The following CHST9 variants were observed in gnomAD, a reference collection of about 807,000 sequenced individuals.
CHST9 encodes the protein GalNAc-4-sulfotransferase 2.
Under a neutral mutation model 44.4 loss-of-function variants are expected in CHST9, and 41 were observed. That is an observed-to-expected ratio of 0.92 (90% CI 0.72 to 1.20). CHST9 has a LOEUF of 1.20. Among genes scored for constraint, CHST9 ranks in the 50% most tolerant of loss-of-function variants. CHST9 has a pLI of 0.00. For synonymous variants in CHST9, 171 were observed against 178.4 expected (o/e 0.96, Z 0.33); for missense variants, 504 against 516.5 (o/e 0.98, Z 0.23).
At chr18:27,062,203 G>C (rs1302657400) in intron 2 of CHST9, among the ~76,000 whole-genome samples, 1 of 151,982 alleles carries the variant, frequency 6.6e-6, no homozygotes, top group East Asian at 1.9e-4. Context: ...GGGTACATAT[G>C]CACAATGTGC....
At chr18:26,929,029 G>T (rs1374346768) in intron 5 of CHST9, among the ~76,000 whole-genome samples, 1 of 152,146 alleles carries the variant, frequency 6.6e-6, no homozygotes, top group Non-Finnish European at 1.5e-5. Context: ...CATTGGCTGG[G>T]ATCCAGGACC....
intron 2 of CHST9, among the ~76,000 whole-genome samples, chr18:27,083,013 C>G (rs1376675578): frequency 6.6e-6 from 1 of 152,086 alleles, no homozygotes; most frequent in South Asian, 2.1e-4. Flanking sequence ...GGGTATTGCT[C>G]ATTTCAACCC....
At chr18:26,953,283 T>C (rs545452942) in intron 4 of CHST9, among the ~76,000 whole-genome samples, 1 of 152,256 alleles carries the variant, frequency 6.6e-6, no homozygotes, top group South Asian at 2.1e-4. Flanking sequence ...CAAAAATGGA[T>C]GGAAGTTGGG....
At chr18:27,084,859 T>C (rs1413717734) in intron 2 of CHST9, among the ~76,000 whole-genome samples, 1 of 152,104 alleles carries the variant, frequency 6.6e-6, no homozygotes, top group Non-Finnish European at 1.5e-5. Context: ...ATCTCTGTTT[T>C]AGTTTCAAAG....
In CHST9 at chr18:26,911,262, A is replaced by G. The variant is rs1266017699; in HGVS notation, c.*4997T>C. 6.6e-6 allele frequency: 1 copy of G among 152,250 alleles called. No homozygotes were observed. The allele number at this position is 152,250 out of a possible 1,614,324, so 9.4% of individuals were successfully genotyped here. The stretch of plus-strand genomic sequence containing the variant: ...CTGAGTGCCTTGCTAGACATGGTAC[A>G]AAGTGCATTCAACAGACACAGTTCC... On this transcript the variant is annotated 3_prime_UTR_variant, in exon 6 of 6. Transcript: ENST00000618847.
intron 2 of CHST9, among the ~76,000 whole-genome samples, chr18:27,073,124 G>A (rs1185175856): frequency 2.0e-5 from 3 of 152,118 alleles, no homozygotes; most frequent in African/African-American, 7.2e-5. Flanking sequence ...TGAATATGTA[G>A]CTGGATGAAG....
At chr18:27,120,147 T>C (rs545085686) in intron 2 of CHST9, among the ~76,000 whole-genome samples, 4 of 152,210 alleles carry the variant, frequency 2.6e-5, no homozygotes, top group Admixed American at 6.5e-5. Flanking sequence ...AGTTAACCAA[T>C]GATGAAACCG....
In CHST9 at chr18:26,910,965, A is replaced by G. The variant is rs908647289; in HGVS notation, c.*5294T>C. On this transcript the variant is annotated 3_prime_UTR_variant, in exon 6 of 6. Coordinates refer to ENST00000618847, the MANE Select transcript of CHST9 (RefSeq NM_031422.6). ...TTTTTCTCAAAATTTTCTTCCCCAA[A>G]CAATCAAGCAACTGCTATTTCTTAG... The G allele has an allele frequency of 1.3e-5, 2 of 152,176 alleles. No homozygotes were observed. Among genetic ancestry groups the G allele is most frequent in the African/African-American group, 4.8e-5 (2 of 41,434 alleles). 9.4% of individuals were successfully genotyped at this position (152,176 alleles called of 1,614,324 possible).
chr18:27,007,931 A>G (rs2057035982), intron 4 of CHST9, among the ~76,000 whole-genome samples: 1 of 152,162 alleles, frequency 6.6e-6, no homozygotes, highest in Non-Finnish European at 1.5e-5. Context: ...TCATTTACTG[A>G]CTGATTTATT....
intron 1 of CHST9, among the ~76,000 whole-genome samples, chr18:27,154,367 G>A (rs544195895): frequency 9.2e-5 from 14 of 152,208 alleles, no homozygotes; most frequent in African/African-American, 3.4e-4. Context: ...AGGGAGAGAT[G>A]AGGTAAGAGG....
intron 1 of CHST9, among the ~76,000 whole-genome samples, chr18:27,169,641 A>C (rs2058819027): frequency 8.4e-6 from 1 of 118,454 alleles, no homozygotes; most frequent in Admixed American, 1.2e-4. Context: ...AGTCTCACTC[A>C]TTGCCCAGGC....
chr18:27,014,262 G>A (rs1049620467), intron 4 of CHST9, among the ~76,000 whole-genome samples: 3 of 151,738 alleles, frequency 2.0e-5, no homozygotes, highest in African/African-American at 4.8e-5. Flanking sequence ...ATTCCATGTT[G>A]ATATCAACTA....
chr18:26,940,230 A>C (rs1404994101), intron 5 of CHST9, among the ~76,000 whole-genome samples: 1 of 151,994 alleles, frequency 6.6e-6, no homozygotes, highest in African/African-American at 2.4e-5. Context: ...TCAGAAAAAA[A>C]AACCTGTCTT....
At chr18:27,156,605 A>T (rs533676822) in intron 1 of CHST9, among the ~76,000 whole-genome samples, 1 of 152,254 alleles carries the variant, frequency 6.6e-6, no homozygotes, top group African/African-American at 2.4e-5. Flanking sequence ...AAAAAGCTTC[A>T]TAGTGTTAAG....
chr18:27,104,804 C>A (rs972879783), intron 2 of CHST9, among the ~76,000 whole-genome samples: 1 of 152,074 alleles, frequency 6.6e-6, no homozygotes, highest in East Asian at 1.9e-4. Context: ...TAGAATATGG[C>A]ATCTTTTCTT....
chr18:26,969,318 T>G (rs924292846), intron 4 of CHST9, among the ~76,000 whole-genome samples: 1 of 152,056 alleles, frequency 6.6e-6, no homozygotes, highest in African/African-American at 2.4e-5. Context: ...TTATGCAGTC[T>G]TATATTTTAA....
At chr18:27,143,295 ACCT>A (rs2058583723) in intron 1 of CHST9, among the ~76,000 whole-genome samples, 1 of 152,166 alleles carries the variant, frequency 6.6e-6, no homozygotes, top group Non-Finnish European at 1.5e-5. Flanking sequence ...AGGAAAAATC[ACCT>A]CCTGTCTTAA....
rs1291725231 is a variant in CHST9, at chr18:26,916,368, T to C, written c.1223A>G (p.Gln408Arg). The C allele has an allele frequency of 6.2e-7, 1 of 1,613,790 alleles. No individual in the cohort carries two copies. ...RHSSDERTNAQVVRQYLKDLT... is the reference protein window; with the variant it reads ...RHSSDERTNARVVRQYLKDLT... ...ATCCTTTAAATACTGTCTCACGACTTGAGCATTGGTTCTTTCATCGGAAGA... is the reference window on the plus strand; with the variant it reads ...ATCCTTTAAATACTGTCTCACGACTCGAGCATTGGTTCTTTCATCGGAAGA... Residue 408 changes from glutamine (Q) to arginine (R), a missense_variant, in exon 6 of 6, where the codon CAA becomes CGA. Gln to Arg is a conservative substitution (Grantham distance 43). Coordinates refer to ENST00000618847, the MANE Select transcript of CHST9 (RefSeq NM_031422.6).
At chr18:26,958,520 G>A (rs1041136064) in intron 4 of CHST9, among the ~76,000 whole-genome samples, 23 of 150,422 alleles carry the variant, frequency 1.5e-4, no homozygotes, top group East Asian at 3.9e-4. Flanking sequence ...AGAGCTTCAA[G>A]AAACCATCAA....
Sources: gnomAD v4.1 joint callset for allele counts (sites outside exome capture counted in the v4.1 genomes callset) on GRCh38, gnomAD v4.1.1 for gene constraint, MANE v1.5 for transcripts, NCBI Gene and HGNC (gene_info 2026-07-23, HGNC 2026-07-21) for gene names.